The following APOL3 variants were observed in gnomAD, a reference collection of about 807,000 sequenced individuals.
APOL3 encodes TNF-inducible protein CG12-1.
A neutral mutation model predicts 11.6 loss-of-function variants in APOL3; 14 were observed. The observed-to-expected ratio is 1.21, with a 90% confidence interval of 0.80 to 1.89. The LOEUF (loss-of-function observed/expected upper bound fraction) is 1.89. APOL3 is among the 40% of genes most tolerant of loss of function. The pLI, the probability that APOL3 is intolerant of heterozygous loss-of-function variation, is 0.00. For synonymous variants in APOL3, 192 were observed against 190.6 expected (o/e 1.01, Z -0.06); for missense variants, 483 against 492.1 (o/e 0.98, Z 0.17).
At chr22:36,145,019 AAAAAAAGAAAAAAAAAGAAAAAAAAAG>A (rs1288971573) in intron 2 of APOL3, among the ~76,000 whole-genome samples, 1 of 98,918 alleles carries the variant, frequency 1.0e-5, no homozygotes, top group Non-Finnish European at 2.3e-5. Flanking sequence ...CAAAAAAAAA[AAAAAAAGAAAAAAAAAGAAAAAAAAAG>A]AAAAACACTT....
At chr22:36,157,131 G>C (rs868185241) in intron 1 of APOL3, 1 of 411,004 alleles carries the variant, frequency 2.4e-6, no homozygotes, top group Non-Finnish European at 4.9e-6. Flanking sequence ...TTTTGTACGA[G>C]GAGAAAGAAA....
chr22:36,144,177 A>G (rs529121816), intron 2 of APOL3, among the ~76,000 whole-genome samples: 22 of 152,114 alleles, frequency 1.4e-4, no homozygotes, highest in Non-Finnish European at 2.2e-4. Flanking sequence ...TCCCTCTCCC[A>G]CTCACTGGTC....
intron 1 of APOL3, chr22:36,154,360 A>G (rs2012375393): frequency 3.5e-6 from 1 of 284,086 alleles, no homozygotes; most frequent in African/African-American, 2.2e-5. Flanking sequence ...AATCTGTGAA[A>G]GGCCTTGGGT....
At chr22:36,148,458 C>T (rs905117500) in intron 1 of APOL3, among the ~76,000 whole-genome samples, 1 of 152,230 alleles carries the variant, frequency 6.6e-6, no homozygotes, top group Non-Finnish European at 1.5e-5. Context: ...AAATATTATA[C>T]TCGCATTCCA....
intron 1 of APOL3, among the ~76,000 whole-genome samples, chr22:36,159,000 AGT>A (rs1296333674): frequency 4.0e-5 from 6 of 150,904 alleles, no homozygotes; most frequent in East Asian, 1.9e-4. Flanking sequence ...TGAATTTGTG[AGT>A]GTGTGTGTGG....
chr22:36,145,774 A>G (rs1381412103), intron 1 of APOL3, among the ~76,000 whole-genome samples, 175 bp from the exon 3 acceptor site: 1 of 152,092 alleles, frequency 6.6e-6, no homozygotes, highest in East Asian at 1.9e-4. Context: ...ATATACTGAG[A>G]CCCTAAACCC....
chr22:36,162,968 A>T (rs1278658877), upstream of APOL3, among the ~76,000 whole-genome samples: 1 of 152,188 alleles, frequency 6.6e-6, no homozygotes, highest in Non-Finnish European at 1.5e-5. Context: ...AGTTGCAATG[A>T]GTGTTGTATT....
intron 1 of APOL3, among the ~76,000 whole-genome samples, chr22:36,150,132 T>C (rs2060379468): frequency 6.6e-6 from 1 of 152,162 alleles, no homozygotes; most frequent in Non-Finnish European, 1.5e-5. Flanking sequence ...CTGATCTTTA[T>C]ACAGAGAAAC....
rs773979990 is a variant in APOL3 at position 36,141,994 on chromosome 22, C to T, written c.415G>A (p.Glu139Lys). The change falls in exon 3 of 3, where the codon GAA (glutamate) becomes AAA (lysine). Residue 139 changes from glutamate (E) to lysine (K), a missense_variant. Coordinates refer to ENST00000349314, the Ensembl canonical transcript of APOL3. ...TGCTCATCTTTCTGCTGCACATATTCGTCCTCAATAGCTGCATATGTTCTA... is the reference window on the plus strand; with the variant it reads ...TGCTCATCTTTCTGCTGCACATATTTGTCCTCAATAGCTGCATATGTTCTA... The T allele has an allele frequency of 8.7e-6, 14 of 1,614,032 alleles. No individual in the cohort carries two copies. The African/African-American group carries it at 1.1e-4, about 12-fold the overall frequency.
At chr22:36,149,466 A>G in intron 1 of APOL3, 1 of 1,152,152 alleles carries the variant, frequency 8.7e-7, no homozygotes, top group Non-Finnish European at 1.2e-6. Flanking sequence ...AGAGATGGGA[A>G]GGAACGTTCT....
rs1006285216 is a variant in APOL3, at chr22:36,141,472, G to A, written c.937C>T (p.Arg313Ter). The A allele has an allele frequency of 3.1e-6, 5 of 1,614,120 alleles. No individual in the cohort carries two copies. The highest frequency in any genetic ancestry group is 3.3e-5 in the Admixed American group (2 of 60,026). Residue 313 changes from arginine to a stop codon, truncating the protein, a stop_gained, in exon 3 of 3, where the codon CGA becomes TGA. Coordinates refer to ENST00000349314, the Ensembl canonical transcript of APOL3. LOFTEE classifies it low-confidence loss of function (END_TRUNC). ...TGACCACCACTTCCAGCTGAGATTC[G>A]CCAGGTGGTCACAGGGAGTCGGGCC...
chr22:36,149,983 A>T (rs551352692), intron 1 of APOL3: 1 of 434,894 alleles, frequency 2.3e-6, no homozygotes, highest in African/African-American at 2.2e-5. Flanking sequence ...ATTAAAAAAA[A>T]ATTTTTTTTA....
chr22:36,141,610 T>C lies in APOL3; in HGVS notation c.799A>G (p.Lys267Glu), dbSNP rs750166827. 1.4e-5 allele frequency: 23 copies of C among 1,614,090 alleles called. No homozygotes were observed. The highest frequency in any genetic ancestry group is 3.3e-4 in the Middle Eastern group (2 of 6,084). Reference sequence around the variant, plus strand: ...GGTGTGATGTCACGCATAACTTCCTTAAATACCTTCAATCGGTCAATGCTG... The same window carrying C: ...GGTGTGATGTCACGCATAACTTCCTCAAATACCTTCAATCGGTCAATGCTG... Residue 267 changes from lysine to glutamate, a missense_variant, in exon 3 of 3, where the codon AAG becomes GAG. By Grantham distance (56) the Lys-to-Glu change is moderately conservative. Coordinates refer to ENST00000349314, the Ensembl canonical transcript of APOL3.
At chr22:36,165,825 T>C (rs1169318656), upstream of APOL3, 1 of 152,228 alleles carries the variant, frequency 6.6e-6, no homozygotes, top group African/African-American at 2.4e-5. Context: ...TTGTCACCGA[T>C]CTACCCAAAA....
At chr22:36,155,671 GC>G in intron 1 of APOL3, 1 of 161,724 alleles carries the variant, frequency 6.2e-6, no homozygotes. Flanking sequence ...AGGACCAGGA[GC>G]CAGCACAGAG....
intron 1 of APOL3, among the ~76,000 whole-genome samples, chr22:36,148,746 G>A (rs1004179132): frequency 1.3e-5 from 2 of 152,148 alleles, no homozygotes; most frequent in Admixed American, 6.5e-5. Context: ...CCTACTCCCC[G>A]ACCCTGCTGT....
chr22:36,157,257 G>C (rs1423377639), intron 1 of APOL3, among the ~76,000 whole-genome samples: 2 of 152,140 alleles, frequency 1.3e-5, no homozygotes, highest in Non-Finnish European at 2.9e-5. Flanking sequence ...AGCTCCCTCC[G>C]GGTCCATGAC....
At chr22:36,159,132 G>T (rs1427554484) in intron 1 of APOL3, 1 of 152,202 alleles carries the variant, frequency 6.6e-6, no homozygotes, top group Non-Finnish European at 1.5e-5. Flanking sequence ...CTCACCTGCT[G>T]GGCATCACCT....
intron 1 of APOL3, chr22:36,153,141 C>A: frequency 5.8e-6 from 1 of 171,004 alleles, no homozygotes; most frequent in Non-Finnish European, 1.3e-5. Flanking sequence ...ATCTGAACAT[C>A]AAAATTAGCT....
Sources: gnomAD v4.1 joint callset for allele counts (sites outside exome capture counted in the v4.1 genomes callset) on GRCh38, gnomAD v4.1.1 for gene constraint, MANE v1.5 for transcripts, NCBI Gene and HGNC (gene_info 2026-07-23, HGNC 2026-07-21) for gene names.